The following SELENOF variants were observed in gnomAD, a reference collection of about 807,000 sequenced individuals.
SELENOF encodes the protein 15 kDa selenoprotein.
Under a neutral mutation model 20.5 loss-of-function variants are expected in SELENOF, and 16 were observed. The observed-to-expected ratio is 0.78, with a 90% CI of 0.53 to 1.19. The LOEUF (loss-of-function observed/expected upper bound fraction) is 1.19. SELENOF is among the 50% of genes most tolerant of loss of function. SELENOF has a pLI of 0.00. For synonymous variants in SELENOF, 78 were observed against 74.5 expected (o/e 1.05, Z -0.24); for missense variants, 215 against 194.2 (o/e 1.11, Z -0.64).
chr1:86,880,287 C>G (rs1659032949), intron 3 of SELENOF, among the ~76,000 whole-genome samples: 1 of 152,072 alleles, frequency 6.6e-6, no homozygotes, highest in African/African-American at 2.4e-5. Flanking sequence ...AGGCACCCGC[C>G]ACCGCGCCCA....
rs1055213157 is a variant in SELENOF, at chr1:86,862,845, G to T, written c.*629C>A. On this transcript the variant is annotated 3_prime_UTR_variant, in exon 5 of 5. Coordinates refer to ENST00000331835, the MANE Select transcript of SELENOF (RefSeq NM_004261.5). ...TGTATCTGATCCACACAAATCCCTAGAAAGGTTTTCTGTGTAGTCTTCATT... is the reference window on the plus strand; with the variant it reads ...TGTATCTGATCCACACAAATCCCTATAAAGGTTTTCTGTGTAGTCTTCATT... 2 of 152,520 alleles carry T rather than the reference G, an allele frequency of 1.3e-5. No homozygotes were observed. Among genetic ancestry groups the T allele is most frequent in the Non-Finnish European group, 2.9e-5 (2 of 68,038 alleles). 9.4% of individuals were successfully genotyped at this position (152,520 alleles called of 1,614,324 possible). A position where few individuals can be genotyped will look rare whatever the true frequency, so the allele number is the denominator to read the frequency against.
intron 1 of SELENOF, among the ~76,000 whole-genome samples, chr1:86,904,385 T>C (rs777327530): frequency 1.4e-4 from 21 of 152,210 alleles, no homozygotes; most frequent in Non-Finnish European, 2.9e-4. Context: ...CATAAATCGT[T>C]ACATTAAATC....
intron 2 of SELENOF, among the ~76,000 whole-genome samples, chr1:86,898,436 AT>A (rs1278281013): frequency 6.6e-6 from 1 of 152,238 alleles, no homozygotes; most frequent in Non-Finnish European, 1.5e-5. Context: ...AAAAGTGACC[AT>A]TACTAAAAAT....
chr1:86,873,200 T>G (rs1658830070), intron 3 of SELENOF, among the ~76,000 whole-genome samples: 1 of 151,602 alleles, frequency 6.6e-6, no homozygotes, highest in African/African-American at 2.4e-5. Flanking sequence ...GAGGTTGCAG[T>G]GAGCCGAGAT....
intron 2 of SELENOF, among the ~76,000 whole-genome samples, chr1:86,903,040 T>C (rs1160054823): frequency 1.1e-4 from 16 of 152,234 alleles, no homozygotes; most frequent in Non-Finnish European, 1.8e-4. Context: ...AAGCATGTTA[T>C]AGGGATTCTA....
chr1:86,887,665 T>C (rs1230260903), intron 2 of SELENOF, among the ~76,000 whole-genome samples: 4 of 152,166 alleles, frequency 2.6e-5, no homozygotes, highest in Admixed American at 2.6e-4. Context: ...TAGGTTTCTT[T>C]CAATACTGTG....
At chr1:86,882,494 T>TAAAAAAAA (rs77238406) in intron 2 of SELENOF, among the ~76,000 whole-genome samples, 1 of 130,184 alleles carries the variant, frequency 7.7e-6, no homozygotes, top group Non-Finnish European at 1.7e-5. Context: ...TAGCTATTAT[T>TAAAAAAAA]AAAAAAAAAA....
chr1:86,892,154 G>A (rs1045352372), intron 2 of SELENOF, among the ~76,000 whole-genome samples: 7 of 146,390 alleles, frequency 4.8e-5, no homozygotes, highest in Admixed American at 1.3e-4. Context: ...GGATGGTCTC[G>A]ATCTCCTGAC....
chr1:86,879,658 T>A (rs564692216), intron 3 of SELENOF, among the ~76,000 whole-genome samples: 1 of 152,202 alleles, frequency 6.6e-6, no homozygotes, highest in African/African-American at 2.4e-5. Context: ...TGAATACTTA[T>A]GTATTTCAGT....
intron 3 of SELENOF, among the ~76,000 whole-genome samples, chr1:86,871,375 G>A (rs1658762751): frequency 1.3e-5 from 2 of 152,104 alleles, no homozygotes; most frequent in Admixed American, 6.5e-5. Context: ...TAAGAACTGA[G>A]AATTTATGTT....
rs1334611449 is a variant in SELENOF at position 86,903,411 on chromosome 1, C to A, written c.122G>T (p.Cys41Phe). Reference sequence around the variant, plus strand: ...GTTGCTAGAAAAGCCTAACTCTCTGCATGCCTCCGATGAAAACTCTGCCCC... The same window carrying A: ...GTTGCTAGAAAAGCCTAACTCTCTGAATGCCTCCGATGAAAACTCTGCCCC... ...AFGAEFSSEACRELGFSSNLL... is the reference protein window; with the variant it reads ...AFGAEFSSEAFRELGFSSNLL... The change falls in exon 2 of 5, where the codon TGC (cysteine) becomes TTC (phenylalanine). Residue 41 changes from cysteine (C) to phenylalanine (F), a missense_variant. Physicochemically the swap from Cys to Phe is radical, Grantham distance 205. Coordinates refer to ENST00000331835, the MANE Select transcript of SELENOF (RefSeq NM_004261.5). 1 of 1,610,060 alleles carries A rather than the reference C, an allele frequency of 6.2e-7. No individual in the cohort carries two copies. The highest frequency in any genetic ancestry group is 1.3e-5 in the African/African-American group (1 of 74,806).
At chr1:86,906,580 A>C (rs969390927) in intron 1 of SELENOF, among the ~76,000 whole-genome samples, 2 of 152,208 alleles carry the variant, frequency 1.3e-5, no homozygotes, top group Admixed American at 6.5e-5. Flanking sequence ...TCTTTCTAGG[A>C]ACATCAACTT....
intron 3 of SELENOF, among the ~76,000 whole-genome samples, chr1:86,877,878 A>G (rs1658965398): frequency 6.6e-6 from 1 of 152,194 alleles, no homozygotes; most frequent in South Asian, 2.1e-4. Flanking sequence ...TGGTGCCTAT[A>G]AAGCTGAAAA....
chr1:86,865,639 T>C (rs1037108131), intron 4 of SELENOF, among the ~76,000 whole-genome samples: 44 of 152,252 alleles, frequency 2.9e-4, no homozygotes, highest in African/African-American at 8.9e-4. Flanking sequence ...GACAAGGATA[T>C]AGAGATATTG....
At chr1:86,889,289 A>AT (rs995442722) in intron 2 of SELENOF, among the ~76,000 whole-genome samples, 1 of 152,080 alleles carries the variant, frequency 6.6e-6, no homozygotes, top group African/African-American at 2.4e-5. Flanking sequence ...TTCAAAATAA[A>AT]TTTTTCTTCA....
intron 1 of SELENOF, among the ~76,000 whole-genome samples, chr1:86,905,107 T>C (rs1659796791): frequency 6.6e-6 from 1 of 152,228 alleles, no homozygotes; most frequent in Non-Finnish European, 1.5e-5. Context: ...CTTAGTAAAA[T>C]GGCATCATTT....
chr1:86,870,001 C>T (rs1200548276), intron 3 of SELENOF, among the ~76,000 whole-genome samples: 1 of 152,164 alleles, frequency 6.6e-6, no homozygotes, highest in Non-Finnish European at 1.5e-5. Flanking sequence ...TCTCGATCTC[C>T]TGACCTTGTG....
intron 1 of SELENOF, among the ~76,000 whole-genome samples, chr1:86,907,559 T>C (rs996908002): frequency 2.8e-4 from 43 of 152,218 alleles, no homozygotes; most frequent in African/African-American, 1.0e-3. Flanking sequence ...GCATTTAAAT[T>C]TGCACATTAA....
chr1:86,896,645 A>C (rs926752920), intron 2 of SELENOF, among the ~76,000 whole-genome samples: 1 of 152,236 alleles, frequency 6.6e-6, no homozygotes, highest in Non-Finnish European at 1.5e-5. Flanking sequence ...GTGCTAAATA[A>C]TTAACATTAT....
Sources: gnomAD v4.1 joint callset for allele counts (sites outside exome capture counted in the v4.1 genomes callset) on GRCh38, gnomAD v4.1.1 for gene constraint, MANE v1.5 for transcripts, NCBI Gene and HGNC (gene_info 2026-07-23, HGNC 2026-07-21) for gene names.